Variants in ATP8A2 observed in about 807,000 individuals in gnomAD.
The protein encoded by ATP8A2 is phospholipid-transporting ATPase IB.
ATP8A2 carries 100 observed loss-of-function variants against 165.6 expected under a neutral mutation model. The ratio of observed to expected loss-of-function variants is 0.60; its 90% CI spans 0.51 to 0.71. The LOEUF is 0.71. Among genes scored for constraint, ATP8A2 ranks in the 30% least tolerant of loss-of-function variants. The pLI, the probability that ATP8A2 is intolerant of heterozygous loss-of-function variation, is 0.00. For missense variants in ATP8A2, 1,227 were observed against 1,479.5 expected (o/e 0.83, Z 2.80); for synonymous variants, 543 against 548.8 (o/e 0.99, Z 0.15).
intron 25 of ATP8A2, among the ~76,000 whole-genome samples, chr13:25,731,294 G>GAGAA (rs1188239150): frequency 2.9e-5 from 4 of 136,568 alleles, no homozygotes; most frequent in Non-Finnish European, 6.3e-5. Flanking sequence ...GAAAGAGAGA[G>GAGAA]AGAAAGAAAG....
intron 10 of ATP8A2, among the ~76,000 whole-genome samples, chr13:25,546,832 A>T (rs1242223639): frequency 6.6e-6 from 1 of 152,190 alleles, no homozygotes; most frequent in Non-Finnish European, 1.5e-5. Flanking sequence ...AGTAGGATTC[A>T]AAACACAGGC....
intron 23 of ATP8A2, among the ~76,000 whole-genome samples, chr13:25,585,310 G>A (rs1011684915): frequency 6.6e-6 from 1 of 152,130 alleles, no homozygotes; most frequent in South Asian, 2.1e-4. Flanking sequence ...TGTGAATTTC[G>A]TAGTGGTCAT....
chr13:25,833,224 T>C (rs4412841), intron 28 of ATP8A2, among the ~76,000 whole-genome samples: 1,829 of 152,168 alleles, frequency 0.012, 42 homozygotes, highest in African/African-American at 0.039. Flanking sequence ...AAGCATACTA[T>C]TTTCTTGTAT....
chr13:25,816,906 A>G (rs1239146567), intron 27 of ATP8A2, among the ~76,000 whole-genome samples: 1 of 152,204 alleles, frequency 6.6e-6, no homozygotes, highest in East Asian at 1.9e-4. Context: ...CTGTGCAGCC[A>G]GGCACTAAAT....
intron 13 of ATP8A2, 31 bp downstream of exon 13, chr13:25,555,099 G>A: frequency 6.6e-7 from 1 of 1,505,358 alleles, no homozygotes; most frequent in Non-Finnish European, 9.2e-7. Context: ...TTTGGGAATG[G>A]TGACACGAGC....
chr13:25,996,156 A>G (rs1228634966), intron 35 of ATP8A2, among the ~76,000 whole-genome samples: 3 of 152,170 alleles, frequency 2.0e-5, no homozygotes, highest in Non-Finnish European at 4.4e-5. Context: ...ATCTGCCTAT[A>G]TCATTATATT....
intron 25 of ATP8A2, among the ~76,000 whole-genome samples, chr13:25,734,685 C>G (rs1464431070): frequency 6.6e-6 from 1 of 152,176 alleles, no homozygotes. Flanking sequence ...GTTGCCTAGG[C>G]TGGAGTGCAG....
At chr13:25,911,934 A>C (rs948375181) in intron 33 of ATP8A2, among the ~76,000 whole-genome samples, 1 of 152,222 alleles carries the variant, frequency 6.6e-6, no homozygotes, top group African/African-American at 2.4e-5. Context: ...GTGAATTAAT[A>C]CAACCATTAT....
At chr13:25,425,735 C>A (rs929123423) in intron 1 of ATP8A2, among the ~76,000 whole-genome samples, 1 of 152,054 alleles carries the variant, frequency 6.6e-6, no homozygotes, top group African/African-American at 2.4e-5. Flanking sequence ...CCACCACGCC[C>A]GGCTAATTTT....
chr13:26,013,861 CCT>C (rs1312631409), intron 36 of ATP8A2, among the ~76,000 whole-genome samples: 3 of 152,182 alleles, frequency 2.0e-5, no homozygotes, highest in Non-Finnish European at 4.4e-5. Flanking sequence ...TAATCTACCC[CCT>C]GTCCTCACTT....
intron 27 of ATP8A2, among the ~76,000 whole-genome samples, chr13:25,780,231 T>C (rs556995681): frequency 5.3e-5 from 8 of 152,218 alleles, no homozygotes; most frequent in Non-Finnish European, 1.0e-4. Context: ...ATTTTTGAAA[T>C]AGAGATGAGT....
intron 35 of ATP8A2, among the ~76,000 whole-genome samples, chr13:25,974,529 T>C (rs531682910): frequency 6.6e-6 from 1 of 152,128 alleles, no homozygotes; most frequent in South Asian, 2.1e-4. Context: ...AGACAGCCTT[T>C]GGATTACAGC....
chr13:25,978,867 G>A (rs1184564849), intron 35 of ATP8A2, among the ~76,000 whole-genome samples: 1 of 152,144 alleles, frequency 6.6e-6, no homozygotes, highest in Non-Finnish European at 1.5e-5. Flanking sequence ...GTGAACCCGG[G>A]AGGCGGAGCT....
chr13:25,880,275 A>G (rs1035572699), intron 33 of ATP8A2, among the ~76,000 whole-genome samples: 1 of 151,858 alleles, frequency 6.6e-6, no homozygotes, highest in African/African-American at 2.4e-5. Context: ...ATAGATGGCT[A>G]TCTCTTGGCA....
intron 19 of ATP8A2, 37 bp downstream of exon 19, chr13:25,574,894 T>A (rs758263756): frequency 8.6e-7 from 1 of 1,168,482 alleles, no homozygotes; most frequent in South Asian, 1.3e-5. Context: ...ATAAAATAAT[T>A]ATATTTATTT....
intron 33 of ATP8A2, among the ~76,000 whole-genome samples, chr13:25,915,303 G>A (rs1324118366): frequency 6.6e-6 from 1 of 152,220 alleles, no homozygotes; most frequent in East Asian, 1.9e-4. Context: ...AGAGAAGCCA[G>A]GCTAATTATT....
chr13:25,544,150 C>T (rs2038569300), intron 10 of ATP8A2, among the ~76,000 whole-genome samples: 1 of 152,196 alleles, frequency 6.6e-6, no homozygotes, highest in African/African-American at 2.4e-5. Context: ...AGTGCTAGAC[C>T]ATATGGGTGC....
chr13:25,698,241 A>G (rs904503379), intron 24 of ATP8A2, among the ~76,000 whole-genome samples: 42 of 146,256 alleles, frequency 2.9e-4, no homozygotes, highest in African/African-American at 7.6e-4. Flanking sequence ...TTTTTTTTTT[A>G]AAGAAACAGG....
chr13:25,851,778 A>G (rs755170456), intron 30 of ATP8A2, among the ~76,000 whole-genome samples: 5 of 152,166 alleles, frequency 3.3e-5, no homozygotes, highest in Admixed American at 6.5e-5. Flanking sequence ...TGTCTCATGT[A>G]AAGGCCATCC....
Sources: gnomAD v4.1 joint callset for allele counts (sites outside exome capture counted in the v4.1 genomes callset) on GRCh38, gnomAD v4.1.1 for gene constraint, MANE v1.5 for transcripts, NCBI Gene and HGNC (gene_info 2026-07-23, HGNC 2026-07-21) for gene names.